The following PARP8 variants were observed in gnomAD, a reference collection of about 807,000 sequenced individuals.
The protein encoded by PARP8 is protein mono-ADP-ribosyltransferase PARP8.
In PARP8, 51 loss-of-function variants were observed where a neutral mutation model predicts 124.1. The ratio of observed to expected loss-of-function variants is 0.41; its 90% CI spans 0.33 to 0.52. The LOEUF is 0.52. PARP8 is among the 20% of genes least tolerant of loss of function. The probability of loss-of-function intolerance (pLI) is 0.21; values close to 1 mark genes in which losing one functional copy is unlikely to be tolerated. For missense variants in PARP8, 860 were observed against 1,018.9 expected, an observed-to-expected ratio of 0.84 and a Z score of 2.12; for synonymous variants, 391 against 361.5, an observed-to-expected ratio of 1.08 and a Z score of -0.93.
At chr5:50,721,964 A>G (rs946975846) in intron 2 of PARP8, among the ~76,000 whole-genome samples, 19 of 152,248 alleles carry the variant, frequency 1.2e-4, no homozygotes, top group African/African-American at 4.6e-4. Context: ...TGCCCTAAAA[A>G]TGTCGTAGCT....
In PARP8 at chr5:50,760,338, C is replaced by A. The variant is rs772759774; in HGVS notation, c.321C>A (p.Ser107=). The A allele has an allele frequency of 6.5e-7, 1 of 1,530,122 alleles. No homozygotes were observed. The highest frequency in any genetic ancestry group is 8.9e-7 in the Non-Finnish European group (1 of 1,121,066). 94.8% of individuals were successfully genotyped at this position (1,530,122 alleles called of 1,614,324 possible). A position where few individuals can be genotyped will look rare whatever the true frequency, so the allele number is the denominator to read the frequency against. The change falls in exon 5 of 26, where the codon TCC becomes TCA. Residue 107 remains serine (S), a synonymous_variant. Coordinates refer to ENST00000281631, the MANE Select transcript of PARP8 (RefSeq NM_024615.4). ...NDINCCLSIK[S]KLQKENGEES... is the part of the protein sequence containing the mutation. The stretch of plus-strand genomic sequence containing the variant: ...TTAACTGTTGCTTATCCATAAAATC[C>A]AAATTACAAAAGGAAAATGGGGAGG...
At chr5:50,722,391 C>A (rs1580096851) in intron 2 of PARP8, among the ~76,000 whole-genome samples, 2 of 152,122 alleles carry the variant, frequency 1.3e-5, no homozygotes, top group East Asian at 3.9e-4. Context: ...TGTTCCATTT[C>A]CCAGCTTCCC....
chr5:50,837,560 A>T (rs1003358025), intron 25 of PARP8, among the ~76,000 whole-genome samples: 1 of 152,134 alleles, frequency 6.6e-6, no homozygotes, highest in African/African-American at 2.4e-5. Context: ...ATGAGTTAAC[A>T]TGGTTACCTT....
At position 50,842,399 on chromosome 5, in the gene PARP8, A is replaced by G. The variant is rs1748271252; in HGVS notation, c.*331A>G. 3.0e-5 allele frequency: 6 copies of G among 199,348 alleles called. No homozygotes were observed. Among genetic ancestry groups the G allele is most frequent in the South Asian group, 2.5e-4 (3 of 11,974 alleles). The allele number at this position is 199,348 out of a possible 1,614,324, so 12.3% of individuals were successfully genotyped here. On this transcript the variant is annotated 3_prime_UTR_variant, in exon 26 of 26. Transcript: ENST00000281631. ...TTTAACTGGATATTTGGTATTATAT[A>G]CCGACATTTTAGGTTACCAAAATAG...
chr5:50,741,814 C>CTTTT, intron 2 of PARP8: 3 of 395,036 alleles, frequency 7.6e-6, no homozygotes, highest in East Asian at 7.8e-5. Flanking sequence ...TTCTTTTCTT[C>CTTTT]TTTTTTTTTT....
At chr5:50,692,279 CT>C (rs1014737137) in intron 2 of PARP8, among the ~76,000 whole-genome samples, 7 of 152,092 alleles carry the variant, frequency 4.6e-5, no homozygotes, top group African/African-American at 1.7e-4. Context: ...TCACTAATCT[CT>C]ATCATATTAT....
At position 50,838,670 on chromosome 5, in the gene PARP8, T is replaced by C. The variant is rs118170675; in HGVS notation, c.2463-3296T>C. On this transcript the variant is annotated intron_variant, in intron 25 of 25. Coordinates refer to ENST00000281631, the MANE Select transcript of PARP8 (RefSeq NM_024615.4). ...TTCACTGCCCAGACAGGCTGATAGT[T>C]AAATAGAAGCATGGCATTCTCCAAC... Among the ~76,000 whole-genome samples the C allele has an allele frequency of 1.1e-3, 165 of 152,200 alleles. 2 individuals are homozygous for C. The East Asian group carries it at 0.029, about 27-fold the overall frequency.
chr5:50,744,794 A>T (rs1412243868), intron 2 of PARP8: 5 of 700,578 alleles, frequency 7.1e-6, no homozygotes, highest in African/African-American at 1.8e-5. Context: ...TTTTAAAAGG[A>T]ATTCAGAACT....
intron 2 of PARP8, among the ~76,000 whole-genome samples, chr5:50,687,146 T>C (rs1311815937): frequency 6.6e-6 from 1 of 152,204 alleles, no homozygotes; most frequent in Non-Finnish European, 1.5e-5. Context: ...CCTTTAACAG[T>C]ACCCAGGTCA....
chr5:50,712,899 A>AT (rs369837231), intron 2 of PARP8, among the ~76,000 whole-genome samples: 47 of 146,072 alleles, frequency 3.2e-4, no homozygotes, highest in East Asian at 2.0e-3. Flanking sequence ...TGTTTAGGAG[A>AT]TTTTTTTTTT....
chr5:50,828,639 G>A (rs1455500351), intron 21 of PARP8, among the ~76,000 whole-genome samples: 1 of 152,064 alleles, frequency 6.6e-6, no homozygotes, highest in Admixed American at 6.5e-5. Context: ...CAGCACTTTG[G>A]GAAGCTGAGG....
intron 7 of PARP8, among the ~76,000 whole-genome samples, chr5:50,774,755 C>G (rs1460897586): frequency 7.0e-6 from 1 of 142,218 alleles, no homozygotes; most frequent in Non-Finnish European, 1.5e-5. Flanking sequence ...AGAGGCGCTC[C>G]TCACTTCCCA....
At chr5:50,682,258 G>C (rs952375355) in intron 2 of PARP8, among the ~76,000 whole-genome samples, 3 of 152,080 alleles carry the variant, frequency 2.0e-5, no homozygotes, top group African/African-American at 7.2e-5. Flanking sequence ...TGAGCAAAAA[G>C]CGTGAATCAA....
intron 2 of PARP8, among the ~76,000 whole-genome samples, chr5:50,692,140 C>G (rs1304892781): frequency 6.6e-6 from 1 of 152,114 alleles, no homozygotes; most frequent in Non-Finnish European, 1.5e-5. Context: ...TAAATCTGAT[C>G]ATATTACTTC....
chr5:50,680,963 G>A (rs540720536), intron 2 of PARP8, among the ~76,000 whole-genome samples: 17 of 152,214 alleles, frequency 1.1e-4, no homozygotes. Flanking sequence ...TACCTTAAGT[G>A]TGTTAGAAAT....
intron 15 of PARP8, among the ~76,000 whole-genome samples, chr5:50,819,230 C>G (rs547016359): frequency 2.2e-4 from 34 of 151,984 alleles, no homozygotes; most frequent in African/African-American, 8.0e-4. Context: ...AATATTCTAC[C>G]AATTAAATTT....
chr5:50,691,602 G>T, intron 2 of PARP8, among the ~76,000 whole-genome samples: 1 of 151,964 alleles, frequency 6.6e-6, no homozygotes, highest in East Asian at 1.9e-4. Context: ...CATCAACCTT[G>T]TGTTGGTTAC....
intron 2 of PARP8, among the ~76,000 whole-genome samples, chr5:50,703,757 A>T (rs995571035): frequency 2.6e-5 from 4 of 152,066 alleles, no homozygotes; most frequent in African/African-American, 9.7e-5. Context: ...CAAAAAATTT[A>T]AAAGTTAGCC....
At chr5:50,712,629 A>G (rs1754883410) in intron 2 of PARP8, among the ~76,000 whole-genome samples, 2 of 152,100 alleles carry the variant, frequency 1.3e-5, no homozygotes, top group African/African-American at 2.4e-5. Flanking sequence ...CCCTGAATAT[A>G]GAAGAGTCCC....
Sources: gnomAD v4.1 joint callset for allele counts (sites outside exome capture counted in the v4.1 genomes callset) on GRCh38, gnomAD v4.1.1 for gene constraint, MANE v1.5 for transcripts, NCBI Gene and HGNC (gene_info 2026-07-23, HGNC 2026-07-21) for gene names.